Variants in QTMAN observed in about 807,000 individuals in gnomAD.
The protein encoded by QTMAN is tRNA-queuosine alpha-mannosyltransferase.
the QTMAN span, among the ~76,000 whole-genome samples, chr2:144,304,895 T>C: frequency 6.6e-6 from 1 of 152,248 alleles, no homozygotes; most frequent in African/African-American, 2.4e-5. Context: ...CATCTATGCA[T>C]ATGCCTACTG....
At chr2:144,233,525 G>C in the QTMAN span, among the ~76,000 whole-genome samples, 8 of 152,284 alleles carry the variant, frequency 5.3e-5, no homozygotes, top group African/African-American at 1.7e-4. Context: ...TGTGAGGGTA[G>C]ACCCTCTGCC....
chr2:144,298,389 T>C, the QTMAN span, among the ~76,000 whole-genome samples: 10 of 152,274 alleles, frequency 6.6e-5, no homozygotes, highest in South Asian at 4.1e-4. Context: ...TTCAGCCCCA[T>C]CCCACTGCCC....
chr2:144,311,838 C>CTA, the QTMAN span, among the ~76,000 whole-genome samples: 10 of 152,206 alleles, frequency 6.6e-5, no homozygotes. Context: ...TACACTAAAG[C>CTA]AGAAGCTCCC....
the QTMAN span, among the ~76,000 whole-genome samples, chr2:144,030,778 T>C: frequency 5.3e-5 from 8 of 152,192 alleles, no homozygotes; most frequent in Non-Finnish European, 7.3e-5. Flanking sequence ...CAAGAGGTGC[T>C]GGGCTCTCTA....
the QTMAN span, among the ~76,000 whole-genome samples, chr2:143,965,572 T>G: frequency 6.6e-6 from 1 of 151,952 alleles, no homozygotes; most frequent in South Asian, 2.1e-4. Flanking sequence ...CAAATCAGAG[T>G]TTCTCAATCT....
chr2:143,962,226 A>T, the QTMAN span, among the ~76,000 whole-genome samples: 5 of 152,122 alleles, frequency 3.3e-5, no homozygotes, highest in South Asian at 1.0e-3. Context: ...AGATGCCATG[A>T]AACAATAGGA....
chr2:144,279,628 T>C, the QTMAN span, among the ~76,000 whole-genome samples: 1,339 of 152,306 alleles, frequency 8.8e-3, 14 homozygotes, highest in African/African-American at 0.03. Context: ...TCTAACAAGC[T>C]CTGATACTAA....
At chr2:144,283,155 G>A in the QTMAN span, among the ~76,000 whole-genome samples, 2 of 152,148 alleles carry the variant, frequency 1.3e-5, no homozygotes, top group Non-Finnish European at 2.9e-5. Flanking sequence ...AGGTGCTGGT[G>A]GGCACCTCCA....
At chr2:144,056,766 C>T in the QTMAN span, among the ~76,000 whole-genome samples, 3 of 152,110 alleles carry the variant, frequency 2.0e-5, no homozygotes, top group Non-Finnish European at 2.9e-5. Context: ...TAGAGTGAAT[C>T]GAAGCTTTTC....
At chr2:144,101,485 G>A in the QTMAN span, among the ~76,000 whole-genome samples, 4 of 151,884 alleles carry the variant, frequency 2.6e-5, no homozygotes, top group East Asian at 7.7e-4. Flanking sequence ...CTTACCCCAC[G>A]CTTCTCATGT....
the QTMAN span, among the ~76,000 whole-genome samples, chr2:144,224,059 A>AT: frequency 6.6e-6 from 1 of 152,266 alleles, no homozygotes; most frequent in Non-Finnish European, 1.5e-5. Context: ...GCTTACTGGA[A>AT]TGACAGTCTT....
chr2:144,094,878 A>G, the QTMAN span, among the ~76,000 whole-genome samples: 128 of 152,376 alleles, frequency 8.4e-4, no homozygotes, highest in Admixed American at 3.1e-3. Flanking sequence ...TGCATGAGAC[A>G]TAGTGGGGCA....
At chr2:144,238,040 T>C in the QTMAN span, among the ~76,000 whole-genome samples, 1 of 152,200 alleles carries the variant, frequency 6.6e-6, no homozygotes, top group East Asian at 1.9e-4. Context: ...GACATCTTGA[T>C]TGCAGCTTAT....
At chr2:143,989,206 G>A in the QTMAN span, among the ~76,000 whole-genome samples, 23 of 151,362 alleles carry the variant, frequency 1.5e-4, no homozygotes, top group Admixed American at 3.3e-4. Context: ...TTCTAGTTCC[G>A]ACTCTATCTC....
the QTMAN span, among the ~76,000 whole-genome samples, chr2:144,225,393 T>C: frequency 6.6e-6 from 1 of 152,188 alleles, no homozygotes; most frequent in Admixed American, 6.5e-5. Flanking sequence ...CCATTCTTCC[T>C]CTGAAATTTA....
chr2:144,075,888 A>AT, the QTMAN span, among the ~76,000 whole-genome samples: 2 of 152,212 alleles, frequency 1.3e-5, no homozygotes, highest in East Asian at 3.9e-4. Flanking sequence ...TCCTGAATAT[A>AT]TTGTGTGCAC....
the QTMAN span, among the ~76,000 whole-genome samples, chr2:144,087,177 C>CA: frequency 6.6e-6 from 1 of 151,938 alleles, no homozygotes; most frequent in Non-Finnish European, 1.5e-5. Flanking sequence ...AACTAAAGGA[C>CA]AATGAGGAAA....
At chr2:143,967,182 A>G in the QTMAN span, among the ~76,000 whole-genome samples, 1 of 152,232 alleles carries the variant, frequency 6.6e-6, no homozygotes, top group African/African-American at 2.4e-5. Flanking sequence ...TAAAATAATC[A>G]GGCAAATGGC....
chr2:144,008,373 A>G, the QTMAN span, among the ~76,000 whole-genome samples: 8 of 152,180 alleles, frequency 5.3e-5, no homozygotes, highest in African/African-American at 1.9e-4. Flanking sequence ...GGGGCTCAAT[A>G]AAGGCTTAAA....
Sources: allele counts gnomAD v4.1 joint callset (sites outside exome capture counted in the v4.1 genomes callset), GRCh38; gene constraint gnomAD v4.1.1; transcripts MANE v1.5; gene names NCBI Gene and HGNC (gene_info 2026-07-23, HGNC 2026-07-21).